The following ZNG1E variants were observed in gnomAD, a reference collection of about 807,000 sequenced individuals.
The protein encoded by ZNG1E is zinc-regulated GTPase metalloprotein activator 1E.
At chr9:65,685,299 T>C in the ZNG1E span, among the ~76,000 whole-genome samples, 1 of 152,268 alleles carries the variant, frequency 6.6e-6, no homozygotes, top group Non-Finnish European at 1.5e-5. Flanking sequence ...TTTCATAAGA[T>C]AATAATGAAG....
chr9:65,686,679 G>A, the ZNG1E span, among the ~76,000 whole-genome samples: 1 of 152,142 alleles, frequency 6.6e-6, no homozygotes, highest in African/African-American at 2.4e-5. Context: ...GTTACTTAGT[G>A]TAGCTACTTT....
At chr9:65,680,269 G>A in the ZNG1E span, among the ~76,000 whole-genome samples, 1 of 152,236 alleles carries the variant, frequency 6.6e-6, no homozygotes, top group South Asian at 2.1e-4. Flanking sequence ...TTATGAACAG[G>A]ATGGGAAGCC....
At chr9:65,677,155 A>C in the ZNG1E span, 1 of 1,547,096 alleles carries the variant, frequency 6.5e-7, no homozygotes, top group African/African-American at 1.4e-5. Context: ...TACTGAGAAG[A>C]TGAACAAATT....
chr9:65,687,469 T>A, the ZNG1E span, among the ~76,000 whole-genome samples: 1 of 152,234 alleles, frequency 6.6e-6, no homozygotes, highest in Non-Finnish European at 1.5e-5. Context: ...ATTACTTGGC[T>A]AGGTATAAAA....
chr9:65,684,587 C>A, the ZNG1E span, among the ~76,000 whole-genome samples: 1 of 150,758 alleles, frequency 6.6e-6, no homozygotes, highest in Non-Finnish European at 1.5e-5. Context: ...CACACACACA[C>A]AAGTAGGTAA....
chr9:65,681,674 A>G, the ZNG1E span: 1 of 1,551,598 alleles, frequency 6.4e-7, no homozygotes, highest in Admixed American at 2.0e-5. Context: ...CAGTGAAGTG[A>G]GGAATGTGTT....
chr9:65,691,767 G>A, the ZNG1E span, among the ~76,000 whole-genome samples: 1 of 151,460 alleles, frequency 6.6e-6, no homozygotes, highest in African/African-American at 2.4e-5. Context: ...AACACTTTTG[G>A]GCAATGATAT....
chr9:65,668,500 T>G, the ZNG1E span, among the ~76,000 whole-genome samples: 207 of 148,646 alleles, frequency 1.4e-3, 1 homozygote, highest in East Asian at 5.5e-3. Context: ...TATATATATA[T>G]ACATACACAC....
the ZNG1E span, among the ~76,000 whole-genome samples, chr9:65,659,689 A>G: frequency 1.3e-5 from 2 of 152,168 alleles, no homozygotes; most frequent in Non-Finnish European, 2.9e-5. Flanking sequence ...GTCTGAGACA[A>G]TTAAGAGTAG....
At chr9:65,710,562 T>C in the ZNG1E span, among the ~76,000 whole-genome samples, 1 of 152,100 alleles carries the variant, frequency 6.6e-6, no homozygotes, top group Non-Finnish European at 1.5e-5. Flanking sequence ...CGGTTTCAGC[T>C]TTCTACATAC....
At chr9:65,701,158 G>GT in the ZNG1E span, 1 of 140,484 alleles carries the variant, frequency 7.1e-6, no homozygotes, top group Non-Finnish European at 1.5e-5. Context: ...TCTTTAATGT[G>GT]TACAATGCTT....
chr9:65,721,311 G>A, the ZNG1E span, among the ~76,000 whole-genome samples: 1 of 140,316 alleles, frequency 7.1e-6, no homozygotes, highest in African/African-American at 3.0e-5. Context: ...TTAAAAGAAT[G>A]AAAAGCTGTG....
the ZNG1E span, among the ~76,000 whole-genome samples, chr9:65,681,292 A>G: frequency 6.6e-6 from 1 of 152,220 alleles, no homozygotes; most frequent in Admixed American, 6.5e-5. Flanking sequence ...AAATGCCTTC[A>G]TTAAGAAATG....
the ZNG1E span, chr9:65,691,121 T>C: frequency 1.3e-6 from 2 of 1,490,030 alleles, no homozygotes; most frequent in Non-Finnish European, 1.8e-6. Context: ...TTGCCCAGAC[T>C]GGAGTGCATG....
the ZNG1E span, among the ~76,000 whole-genome samples, chr9:65,672,586 A>G: frequency 6.6e-6 from 1 of 151,828 alleles, no homozygotes; most frequent in Non-Finnish European, 1.5e-5. Flanking sequence ...TCTACTAAAA[A>G]TACAAAAATT....
chr9:65,693,051 C>T, the ZNG1E span, among the ~76,000 whole-genome samples: 1 of 152,284 alleles, frequency 6.6e-6, no homozygotes, highest in Non-Finnish European at 1.5e-5. Flanking sequence ...TTAATAGGTG[C>T]AGGAAACCAC....
At chr9:65,686,568 G>A in the ZNG1E span, among the ~76,000 whole-genome samples, 4 of 152,010 alleles carry the variant, frequency 2.6e-5, no homozygotes, top group Admixed American at 6.6e-5. Context: ...CCCGGGAGGC[G>A]GAGGTGGCAG....
chr9:65,660,719 A>G, the ZNG1E span, among the ~76,000 whole-genome samples: 1 of 145,894 alleles, frequency 6.9e-6, no homozygotes, highest in Admixed American at 6.9e-5. Flanking sequence ...AATTTGTAGT[A>G]TCCCTGCCAA....
At chr9:65,671,661 A>C in the ZNG1E span, among the ~76,000 whole-genome samples, 17 of 152,266 alleles carry the variant, frequency 1.1e-4, no homozygotes, top group Admixed American at 5.2e-4. Flanking sequence ...ACTTTGGGTT[A>C]CTTTTCTGTA....
Sources: gnomAD v4.1 joint callset for allele counts (sites outside exome capture counted in the v4.1 genomes callset) on GRCh38, gnomAD v4.1.1 for gene constraint, MANE v1.5 for transcripts, NCBI Gene and HGNC (gene_info 2026-07-23, HGNC 2026-07-21) for gene names.